Variants in CEP128 observed in about 807,000 individuals in gnomAD.
The protein encoded by CEP128 is centrosomal protein 128, also known as centrosomal protein 128kDa.
A neutral mutation model predicts 156.7 loss-of-function variants in CEP128; 132 were observed. The observed-to-expected ratio is 0.84, with a 90% CI of 0.73 to 0.97. CEP128 has a LOEUF of 0.97. CEP128 is among the 50% of genes least tolerant of loss of function. The pLI, the probability that CEP128 is intolerant of heterozygous loss-of-function variation, is 0.00. For missense variants in CEP128, 1,252 were observed against 1,281.9 expected, an observed-to-expected ratio of 0.98 and a Z score of 0.36; for synonymous variants, 469 against 448.9, an observed-to-expected ratio of 1.04 and a Z score of -0.57.
At chr14:80,743,824 T>C (rs890375710) in intron 18 of CEP128, among the ~76,000 whole-genome samples, 5 of 152,012 alleles carry the variant, frequency 3.3e-5, no homozygotes, top group African/African-American at 7.2e-5. Flanking sequence ...ACTTCACAGA[T>C]TCTAACCTCA....
chr14:80,948,027 TATAAGTC>T (rs1886382740), intron 2 of CEP128, among the ~76,000 whole-genome samples: 1 of 152,152 alleles, frequency 6.6e-6, no homozygotes. Flanking sequence ...ACTGCACAGT[TATAAGTC>T]ATAAGACAGA....
At chr14:80,583,906 A>T (rs1474587471) in intron 19 of CEP128, among the ~76,000 whole-genome samples, 2 of 152,200 alleles carry the variant, frequency 1.3e-5, no homozygotes, top group Non-Finnish European at 2.9e-5. Context: ...CAACAAATAT[A>T]TGAAGACATG....
At chr14:80,534,357 T>C (rs1889377524) in intron 21 of CEP128, among the ~76,000 whole-genome samples, 1 of 152,182 alleles carries the variant, frequency 6.6e-6, no homozygotes, top group African/African-American at 2.4e-5. Flanking sequence ...AGATGAATAG[T>C]TTAAAATAAG....
At chr14:80,657,366 A>AG (rs1303614870) in intron 19 of CEP128, among the ~76,000 whole-genome samples, 4 of 151,852 alleles carry the variant, frequency 2.6e-5, no homozygotes, top group Non-Finnish European at 5.9e-5. Context: ...AAAACTTCTC[A>AG]GGGGGCTGAG....
intron 14 of CEP128, 47 bp from the exon 15 acceptor site, chr14:80,785,592 G>C (rs1486223991): frequency 7.1e-7 from 1 of 1,403,696 alleles, no homozygotes; most frequent in South Asian, 1.4e-5. Flanking sequence ...AAAAGTTACT[G>C]TAAAATTCAC....
intron 9 of CEP128, among the ~76,000 whole-genome samples, chr14:80,853,773 G>T (rs1402145939): frequency 2.6e-5 from 4 of 151,746 alleles, no homozygotes; most frequent in Non-Finnish European, 5.9e-5. Flanking sequence ...AATTAAGAAA[G>T]AATTATATTA....
intron 17 of CEP128, among the ~76,000 whole-genome samples, chr14:80,758,765 T>C (rs1261428178): frequency 6.6e-6 from 1 of 152,208 alleles, no homozygotes; most frequent in Non-Finnish European, 1.5e-5. Context: ...GTAACATTAC[T>C]TGAGTATCCA....
At chr14:80,632,740 T>C (rs1003217962) in intron 19 of CEP128, among the ~76,000 whole-genome samples, 15 of 152,118 alleles carry the variant, frequency 9.9e-5, no homozygotes, top group African/African-American at 3.6e-4. Flanking sequence ...TGTGCATATC[T>C]CCTAGTTCGG....
intron 19 of CEP128, among the ~76,000 whole-genome samples, chr14:80,585,906 CA>C (rs1566794714): frequency 6.6e-6 from 1 of 152,058 alleles, no homozygotes; most frequent in African/African-American, 2.4e-5. Context: ...CAAAATTCAT[CA>C]GATAAAGCAG....
chr14:80,695,476 G>A (rs910985515), intron 19 of CEP128, among the ~76,000 whole-genome samples: 3 of 152,134 alleles, frequency 2.0e-5, no homozygotes, highest in Admixed American at 6.5e-5. Flanking sequence ...AGCACTTTGG[G>A]AGGCCAAGGC....
At chr14:80,859,253 TG>T (rs1390286327) in intron 9 of CEP128, among the ~76,000 whole-genome samples, 1 of 150,272 alleles carries the variant, frequency 6.7e-6, no homozygotes, top group African/African-American at 2.4e-5. Context: ...TGTAGGGACA[TG>T]GATGAAATTG....
intron 20 of CEP128, among the ~76,000 whole-genome samples, chr14:80,565,425 T>C (rs367736807): frequency 6.6e-6 from 1 of 152,116 alleles, no homozygotes; most frequent in African/African-American, 2.4e-5. Flanking sequence ...GGTCCCCGAA[T>C]GCTTGGGGAG....
intron 21 of CEP128, among the ~76,000 whole-genome samples, chr14:80,536,558 AGGT>A (rs1337032275): frequency 6.6e-6 from 1 of 152,234 alleles, no homozygotes; most frequent in East Asian, 1.9e-4. Flanking sequence ...AATGGCTGAA[AGGT>A]GGTAAAAGGA....
intron 14 of CEP128, among the ~76,000 whole-genome samples, chr14:80,786,417 T>C (rs1595396339): frequency 6.6e-6 from 1 of 152,172 alleles, no homozygotes; most frequent in African/African-American, 2.4e-5. Context: ...ATGCAAATAT[T>C]TGCAAGACAT....
chr14:80,566,756 C>T (rs1890925126), intron 20 of CEP128, among the ~76,000 whole-genome samples: 1 of 152,126 alleles, frequency 6.6e-6, no homozygotes, highest in Admixed American at 6.6e-5. Flanking sequence ...TCATTAGATA[C>T]CTGTAGTCAA....
intron 23 of CEP128, among the ~76,000 whole-genome samples, chr14:80,506,416 T>TA (rs901781432): frequency 4.0e-5 from 6 of 151,088 alleles, no homozygotes; most frequent in African/African-American, 1.5e-4. Flanking sequence ...ATTTATTTTT[T>TA]TTTTTTTCAA....
At chr14:80,794,184 C>A (rs919671979) in intron 13 of CEP128, among the ~76,000 whole-genome samples, 1 of 152,132 alleles carries the variant, frequency 6.6e-6, no homozygotes, top group South Asian at 2.1e-4. Flanking sequence ...AAGGTCCGGA[C>A]AAATGAAACT....
chr14:80,716,992 C>A (rs983886637), intron 19 of CEP128, among the ~76,000 whole-genome samples: 1 of 152,128 alleles, frequency 6.6e-6, no homozygotes, highest in African/African-American at 2.4e-5. Context: ...TGTTCATTTT[C>A]ATGTGCTCAT....
At chr14:80,691,665 A>G (rs187664097) in intron 19 of CEP128, among the ~76,000 whole-genome samples, 7 of 152,316 alleles carry the variant, frequency 4.6e-5, no homozygotes, top group Non-Finnish European at 2.9e-5. Context: ...ATTTTCATGA[A>G]TAAAGGGCCA....
Sources: gnomAD v4.1 joint callset for allele counts (sites outside exome capture counted in the v4.1 genomes callset) on GRCh38, gnomAD v4.1.1 for gene constraint, MANE v1.5 for transcripts, NCBI Gene and HGNC (gene_info 2026-07-23, HGNC 2026-07-21) for gene names.